The following AGBL4 variants were observed in gnomAD, a reference collection of about 807,000 sequenced individuals.
AGBL4 encodes the protein cytosolic carboxypeptidase 6.
Under a neutral mutation model 66.4 loss-of-function variants are expected in AGBL4, and 58 were observed. That is an observed-to-expected ratio of 0.87 (90% CI 0.71 to 1.09). The LOEUF (loss-of-function observed/expected upper bound fraction) is 1.09, where lower values mean the gene tolerates loss of function less well. Among genes scored for constraint, AGBL4 ranks in the 50% least tolerant of loss-of-function variants. The pLI is 0.00. For synonymous variants in AGBL4, 234 were observed against 222.9 expected (o/e 1.05, Z -0.44); for missense variants, 579 against 631.0 (o/e 0.92, Z 0.88).
chr1:48,587,223 T>C (rs1330558606), intron 10 of AGBL4, 57 bp from the exon 11 acceptor site: 7 of 1,502,026 alleles, frequency 4.7e-6, no homozygotes, highest in Non-Finnish European at 6.2e-6. Flanking sequence ...AATTGGATTG[T>C]GGGCAAATTT....
chr1:48,567,957 G>C (rs1644502615), intron 11 of AGBL4, among the ~76,000 whole-genome samples: 1 of 152,134 alleles, frequency 6.6e-6, no homozygotes, highest in Non-Finnish European at 1.5e-5. Context: ...CTGTACGTTG[G>C]TACAGCAGCA....
intron 6 of AGBL4, among the ~76,000 whole-genome samples, chr1:48,840,446 C>T (rs1291082762): frequency 6.6e-6 from 1 of 152,118 alleles, no homozygotes; most frequent in Non-Finnish European, 1.5e-5. Context: ...GTTTAAATGA[C>T]TTAACATGCA....
chr1:49,185,707 C>T (rs1464857345), intron 4 of AGBL4, among the ~76,000 whole-genome samples: 1 of 152,108 alleles, frequency 6.6e-6, no homozygotes, highest in Non-Finnish European at 1.5e-5. Flanking sequence ...TGCTTCATGA[C>T]CCAGTTTAGG....
At chr1:49,237,348 G>A (rs1249746174) in intron 4 of AGBL4, among the ~76,000 whole-genome samples, 13 of 151,250 alleles carry the variant, frequency 8.6e-5, no homozygotes, top group African/African-American at 3.2e-4. Flanking sequence ...TGTAAGATAT[G>A]ACTTGCTCTT....
intron 2 of AGBL4, among the ~76,000 whole-genome samples, chr1:49,849,063 C>T (rs1646233829): frequency 6.6e-6 from 1 of 152,138 alleles, no homozygotes; most frequent in South Asian, 2.1e-4. Context: ...GGGATTCAAA[C>T]TCCCAGCATA....
chr1:49,173,229 T>C (rs1350749190), intron 4 of AGBL4, among the ~76,000 whole-genome samples: 2 of 152,218 alleles, frequency 1.3e-5, no homozygotes, highest in African/African-American at 4.8e-5. Context: ...CAATGCCTAT[T>C]ACGTATGAAG....
At chr1:49,729,728 T>C (rs903533835) in intron 2 of AGBL4, among the ~76,000 whole-genome samples, 8 of 152,190 alleles carry the variant, frequency 5.3e-5, no homozygotes, top group African/African-American at 1.7e-4. Flanking sequence ...AAACAGACTG[T>C]TTCCATCATA....
intron 7 of AGBL4, 86 bp from the exon 8 acceptor site, chr1:48,653,537 G>A (rs967346332): frequency 9.8e-7 from 1 of 1,023,578 alleles, no homozygotes. Flanking sequence ...AACAAGAAGA[G>A]CTCAATAGGT....
intron 2 of AGBL4, among the ~76,000 whole-genome samples, chr1:49,752,045 T>C (rs1651517801): frequency 6.6e-6 from 1 of 152,132 alleles, no homozygotes; most frequent in Non-Finnish European, 1.5e-5. Context: ...TCACTGATTT[T>C]TTGAAGGGTT....
chr1:48,865,544 G>A (rs548621630), intron 6 of AGBL4, among the ~76,000 whole-genome samples: 5 of 152,064 alleles, frequency 3.3e-5, no homozygotes, highest in Admixed American at 6.5e-5. Flanking sequence ...TCAAAACTCC[G>A]GCAGTGCTGA....
At chr1:48,927,999 T>C (rs573457414) in intron 5 of AGBL4, among the ~76,000 whole-genome samples, 33 of 152,362 alleles carry the variant, frequency 2.2e-4, no homozygotes, top group Admixed American at 5.9e-4. Context: ...TCTAAGTGTA[T>C]GCGTTTTTTA....
chr1:49,256,674 C>T (rs371861087), intron 3 of AGBL4, among the ~76,000 whole-genome samples: 2 of 152,012 alleles, frequency 1.3e-5, no homozygotes, highest in African/African-American at 4.8e-5. Flanking sequence ...TTAATCAGAA[C>T]GTTTATATAG....
At chr1:49,020,502 A>T (rs1011923394) in intron 5 of AGBL4, among the ~76,000 whole-genome samples, 6 of 152,180 alleles carry the variant, frequency 3.9e-5, no homozygotes, top group Non-Finnish European at 7.4e-5. Flanking sequence ...ACTCTATGAT[A>T]TGGGAGGCTC....
intron 1 of AGBL4, among the ~76,000 whole-genome samples, chr1:49,927,987 T>A (rs1188428867): frequency 6.6e-6 from 1 of 152,198 alleles, no homozygotes; most frequent in Non-Finnish European, 1.5e-5. Context: ...GAAAATATTG[T>A]ACATATTAGA....
At chr1:49,632,439 A>G (rs1285488352) in intron 3 of AGBL4, among the ~76,000 whole-genome samples, 2 of 152,206 alleles carry the variant, frequency 1.3e-5, no homozygotes, top group Non-Finnish European at 2.9e-5. Context: ...AGGAATAATT[A>G]TATGTCAACA....
chr1:49,607,510 G>A lies in AGBL4; in HGVS notation c.282+89803C>T, dbSNP rs543351160. On this transcript the variant is annotated intron_variant, in intron 3 of 13. Coordinates refer to ENST00000371839, the MANE Select transcript of AGBL4 (RefSeq NM_032785.4). ...TGGAGTTTTCTGCCCTTGGCCACCT[G>A]AGCATCCTTTACAGTTTTATTGGAG... is the stretch of plus-strand genomic sequence containing the variant. Among the ~76,000 whole-genome samples, 4 of 152,164 alleles carry A rather than the reference G, an allele frequency of 2.6e-5. No individual in the cohort carries two copies. In the Middle Eastern group the frequency reaches 0.01, roughly 388 times the overall value.
chr1:48,553,387 T>C (rs1384974316), intron 11 of AGBL4, among the ~76,000 whole-genome samples: 10 of 152,124 alleles, frequency 6.6e-5, no homozygotes, highest in Admixed American at 3.3e-4. Flanking sequence ...AAGTAAATAT[T>C]TGCATAGCAG....
chr1:48,542,226 T>G (rs922483770), intron 11 of AGBL4, among the ~76,000 whole-genome samples: 1 of 152,256 alleles, frequency 6.6e-6, no homozygotes, highest in Admixed American at 6.5e-5. Flanking sequence ...CACATTTTCT[T>G]TATCCATTCT....
chr1:48,962,471 G>A lies in AGBL4; in HGVS notation c.594+83113C>T, dbSNP rs187861154. ...TTATGCTATGACTCACAGGGACACG[G>A]GAATCAATACCAAGTTAGCCTATTG... On this transcript the variant is annotated intron_variant, in intron 5 of 13. Transcript: ENST00000371839. Among the ~76,000 whole-genome samples, 665 of 152,254 alleles carry A rather than the reference G, an allele frequency of 4.4e-3. 2 individuals carry two copies. The highest frequency in any genetic ancestry group is 0.01 in the Middle Eastern group (3 of 294).
Sources: gnomAD v4.1 joint callset for allele counts (sites outside exome capture counted in the v4.1 genomes callset) on GRCh38, gnomAD v4.1.1 for gene constraint, MANE v1.5 for transcripts, NCBI Gene and HGNC (gene_info 2026-07-23, HGNC 2026-07-21) for gene names.